NRP2: variants seen among roughly 807,000 people sequenced by gnomAD.
NRP2 encodes the protein neuropilin-2.
NRP2 carries 52 observed loss-of-function variants against 110.4 expected under a neutral mutation model. The ratio of observed to expected loss-of-function variants is 0.47; its 90% CI spans 0.38 to 0.59. The LOEUF (loss-of-function observed/expected upper bound fraction) is 0.59, where lower values mean the gene tolerates loss of function less well. Ranked by LOEUF, NRP2 falls within the 20% of genes least tolerant of loss-of-function variation. The pLI is 0.00. For synonymous variants in NRP2, 508 were observed against 468.9 expected (o/e 1.08, Z -1.08); for missense variants, 1,049 against 1,203.0 (o/e 0.87, Z 1.89).
At chr2:205,786,182 G>T (rs1385994683) in intron 15 of NRP2, among the ~76,000 whole-genome samples, 3 of 152,182 alleles carry the variant, frequency 2.0e-5, no homozygotes, top group Non-Finnish European at 4.4e-5. Context: ...TAAGTGTGGT[G>T]GGGAAGGCGG....
intron 1 of NRP2, among the ~76,000 whole-genome samples, chr2:205,697,090 C>T (rs2056445234): frequency 6.6e-6 from 1 of 152,036 alleles, no homozygotes; most frequent in Non-Finnish European, 1.5e-5. Context: ...GTTCCCAGAG[C>T]CCTGACTGCT....
chr2:205,737,275 C>T (rs777372844), intron 7 of NRP2, among the ~76,000 whole-genome samples: 13 of 152,170 alleles, frequency 8.5e-5, no homozygotes, highest in East Asian at 1.9e-4. Flanking sequence ...TAAGGGACAA[C>T]GGGTAACTAA....
intron 1 of NRP2, among the ~76,000 whole-genome samples, chr2:205,685,558 G>T (rs1023043114): frequency 3.3e-5 from 5 of 152,214 alleles, no homozygotes; most frequent in Non-Finnish European, 7.4e-5. Flanking sequence ...ATAACACGGC[G>T]GTCGCGGCGC....
intron 2 of NRP2, among the ~76,000 whole-genome samples, chr2:205,715,625 A>C (rs2056879695): frequency 6.6e-6 from 1 of 152,164 alleles, no homozygotes; most frequent in Admixed American, 6.5e-5. Context: ...GGCCCAGGGG[A>C]AAATTGAAAC....
intron 5 of NRP2, among the ~76,000 whole-genome samples, chr2:205,724,496 T>G (rs970716453): frequency 6.6e-5 from 10 of 152,180 alleles, no homozygotes; most frequent in Non-Finnish European, 1.2e-4. Context: ...GCTTCTAGTA[T>G]GTGCCAGGCA....
Position 205,686,930 on chromosome 2 carries a change from C to T in NRP2, c.73+3567C>T, listed in dbSNP as rs748968370. ...CTTTGCTAGAGTTAATCATGATCTG[C>T]GGGGGGACTGGGTTTTGCTCAGAAA... On this transcript the variant is annotated intron_variant, in intron 1 of 16. Transcript: ENST00000357785. This position sits in a 1 kb window ranked among gnomAD's most constrained non-coding sequence, Gnocchi z 4.7. 1.4e-4 allele frequency among the ~76,000 whole-genome samples: 22 copies of T among 152,140 alleles called. No homozygotes were observed. The highest frequency in any genetic ancestry group is 1.3e-4 in the Admixed American group (2 of 15,280).
chr2:205,784,382 C>T (rs1265231118), intron 15 of NRP2, among the ~76,000 whole-genome samples: 1 of 152,214 alleles, frequency 6.6e-6, no homozygotes, highest in African/African-American at 2.4e-5. Flanking sequence ...CACCCAGGGC[C>T]TGCGAGAACA....
Position 205,747,106 on chromosome 2 carries a change from C to T in NRP2, c.1786+1216C>T, listed in dbSNP as rs573558463. Among the ~76,000 whole-genome samples the T allele has an allele frequency of 1.1e-4, 17 of 152,304 alleles. No homozygotes were observed. In the East Asian group the frequency reaches 2.3e-3, roughly 21 times the overall value. On this transcript the variant is annotated intron_variant, in intron 10 of 16. Coordinates refer to ENST00000357785, the MANE Select transcript of NRP2 (RefSeq NM_003872.3). ...ATGTGCCCTGGAATCAGGGGCTCAG[C>T]GCTGTAGGGGATCCAGGAGCTTGTA...
intron 15 of NRP2, among the ~76,000 whole-genome samples, chr2:205,787,857 G>A (rs1252460853): frequency 2.0e-5 from 3 of 152,016 alleles, no homozygotes; most frequent in Non-Finnish European, 4.4e-5. Context: ...GCAGCAGGTT[G>A]GAGTGTCTTG....
At chr2:205,703,033 A>T (rs2056593935) in intron 2 of NRP2, among the ~76,000 whole-genome samples, 1 of 152,234 alleles carries the variant, frequency 6.6e-6, no homozygotes, top group South Asian at 2.1e-4. Flanking sequence ...CAAGGGCACA[A>T]AGCATGTACT....
chr2:205,697,459 C>A, intron 1 of NRP2, 85 bp from the exon 2 acceptor site: 1 of 1,227,512 alleles, frequency 8.1e-7, no homozygotes, highest in Non-Finnish European at 1.2e-6. Context: ...TAATCAGACA[C>A]TGGTACAGAA....
At chr2:205,690,715 G>A (rs1445639815) in intron 1 of NRP2, among the ~76,000 whole-genome samples, 1 of 152,016 alleles carries the variant, frequency 6.6e-6, no homozygotes, top group African/African-American at 2.4e-5. Context: ...GGGAGGCGGA[G>A]GTTGCAGTGG....
chr2:205,795,623 GT>G lies in NRP2; in HGVS notation c.*567del, dbSNP rs1045788928. 8.5e-5 allele frequency: 13 copies of G among 152,502 alleles called. No homozygotes were observed. Among genetic ancestry groups the G allele is most frequent in the African/African-American group, 2.9e-4 (12 of 41,388 alleles). The allele number at this position is 152,502 out of a possible 1,614,324, so 9.4% of individuals were successfully genotyped here. On this transcript the variant is annotated 3_prime_UTR_variant, in exon 17 of 17. Transcript: ENST00000357785. ...ACTTAAGGGATTTACTGTGGTGTAG[GT>G]TCTGCCAGCCAACCCTACAAGCTGC...
chr2:205,749,485 G>A (rs748603325), intron 10 of NRP2, among the ~76,000 whole-genome samples: 14 of 152,154 alleles, frequency 9.2e-5, no homozygotes, highest in Non-Finnish European at 4.4e-5. Flanking sequence ...CTGCTGTGGA[G>A]TAAAGAATGT....
At chr2:205,775,047 A>T (rs2058077363) in intron 15 of NRP2, among the ~76,000 whole-genome samples, 1 of 152,170 alleles carries the variant, frequency 6.6e-6, no homozygotes, top group Non-Finnish European at 1.5e-5. Context: ...AGCCCGCAGC[A>T]CTTCCCACCC....
Position 205,725,015 on chromosome 2 carries a change from T to A in NRP2, c.821-898T>A, listed in dbSNP as rs1446040754. On this transcript the variant is annotated intron_variant, in intron 5 of 16. Transcript: ENST00000357785. The surrounding 1 kb of genome is among the most constrained non-coding windows in gnomAD (Gnocchi z 4.1). ...AAGCACTTTTAAGAAAGATTCAAGC[T>A]GTGGAAATCCTACCCTGATTGCAGA... 6.6e-6 allele frequency among the ~76,000 whole-genome samples: 1 copy of A among 152,184 alleles called. No individual in the cohort carries two copies. Among genetic ancestry groups the A allele is most frequent in the Non-Finnish European group, 1.5e-5 (1 of 68,036 alleles).
At chr2:205,752,806 T>G in intron 11 of NRP2, 29 bp from the exon 12 acceptor site, 1 of 1,613,680 alleles carries the variant, frequency 6.2e-7, no homozygotes, top group Non-Finnish European at 8.5e-7. Flanking sequence ...TCATTTGCCT[T>G]CCTTTGGGTT....
At position 205,749,855 on chromosome 2, in the gene NRP2, G is replaced by T. The variant is rs1404897537; in HGVS notation, c.1903+14G>T. The T allele has an allele frequency of 5.6e-6, 9 of 1,596,480 alleles. No homozygotes were observed. The South Asian group carries it at 9.9e-5, about 18-fold the overall frequency. On this transcript the variant is annotated intron_variant, in intron 11 of 16. Transcript: ENST00000357785. ...GCTTTGAGGATGGTAAGCACAAATT[G>T]CCTCCAGATGGCATGGGTGCGGACT...
intron 15 of NRP2, among the ~76,000 whole-genome samples, chr2:205,786,877 G>A (rs1278060910): frequency 6.6e-6 from 1 of 152,084 alleles, no homozygotes; most frequent in African/African-American, 2.4e-5. Context: ...TCCTTTTTGT[G>A]GTCTTCTCTT....
Sources: allele counts gnomAD v4.1 joint callset (sites outside exome capture counted in the v4.1 genomes callset), GRCh38; gene constraint gnomAD v4.1.1; non-coding constraint Gnocchi (gnomAD v3.1); transcripts MANE v1.5; gene names NCBI Gene and HGNC (gene_info 2026-07-23, HGNC 2026-07-21).